Variants in RYR2 observed in about 807,000 individuals in gnomAD.
RYR2 encodes ryanodine receptor 2.
Under a neutral mutation model 601.1 loss-of-function variants are expected in RYR2, and 227 were observed. The ratio of observed to expected loss-of-function variants is 0.38; its 90% CI spans 0.34 to 0.42. RYR2 has a LOEUF of 0.42. Among genes scored for constraint, RYR2 ranks in the 10% least tolerant of loss-of-function variants. The probability of loss-of-function intolerance (pLI) is 1.00; values close to 1 mark genes in which losing one functional copy is unlikely to be tolerated. For synonymous variants in RYR2, 2,223 were observed against 2,175.1 expected (o/e 1.02, Z -0.61); for missense variants, 4,646 against 6,156.5 (o/e 0.75, Z 8.21).
intron 1 of RYR2, among the ~76,000 whole-genome samples, chr1:237,246,988 C>T (rs1291587344): frequency 2.0e-5 from 3 of 152,162 alleles, no homozygotes; most frequent in East Asian, 3.8e-4. Flanking sequence ...TTCTTGTGGT[C>T]CTACATATTA....
At chr1:237,163,101 T>C (rs998214896) in intron 1 of RYR2, among the ~76,000 whole-genome samples, 8 of 152,214 alleles carry the variant, frequency 5.3e-5, no homozygotes, top group African/African-American at 1.4e-4. Flanking sequence ...GTTCCTATTT[T>C]ATCTTTTAAT....
chr1:237,160,762 T>A (rs972424427), intron 1 of RYR2, among the ~76,000 whole-genome samples: 3 of 151,910 alleles, frequency 2.0e-5, no homozygotes, highest in Non-Finnish European at 4.4e-5. Context: ...AGATAGTTTT[T>A]AAAAAAAACC....
intron 91 of RYR2, among the ~76,000 whole-genome samples, chr1:237,787,601 A>C (rs958423023): frequency 4.7e-5 from 7 of 150,094 alleles, no homozygotes; most frequent in Non-Finnish European, 1.0e-4. Context: ...CAAAAACAAA[A>C]AAAAAAAAAA....
At chr1:237,662,358 C>T (rs1470775986) in intron 56 of RYR2, among the ~76,000 whole-genome samples, 1 of 151,726 alleles carries the variant, frequency 6.6e-6, no homozygotes, top group Non-Finnish European at 1.5e-5. Context: ...ACAAAGATAG[C>T]AAGACAATTC....
chr1:237,427,782 C>CA (rs57614793), intron 12 of RYR2, among the ~76,000 whole-genome samples: 1,222 of 56,220 alleles, frequency 0.022, 199 homozygotes, highest in African/African-American at 0.062. Context: ...GACTCTGCCT[C>CA]AAAAAAAAAA....
At chr1:237,434,043 G>A (rs1201052995) in intron 12 of RYR2, among the ~76,000 whole-genome samples, 2 of 152,180 alleles carry the variant, frequency 1.3e-5, no homozygotes, top group Non-Finnish European at 2.9e-5. Context: ...GGGTTTAGGA[G>A]TTTTGGTTTT....
intron 1 of RYR2, among the ~76,000 whole-genome samples, chr1:237,254,264 C>T (rs1299224151): frequency 1.3e-5 from 2 of 152,100 alleles, no homozygotes; most frequent in African/African-American, 2.4e-5. Flanking sequence ...AGAAAAAATA[C>T]ACTTGCTGAA....
chr1:237,081,286 A>AT (rs1665603939), intron 1 of RYR2, among the ~76,000 whole-genome samples: 2 of 146,650 alleles, frequency 1.4e-5, no homozygotes, highest in Non-Finnish European at 3.0e-5. Context: ...ATAATAAAAA[A>AT]AAAAAAAAAA....
rs790880 is a variant in RYR2, at chr1:237,806,442, A to T, written c.14298+159A>T. ...CTAAACTGCAGGGATTAGTAGTTTGAGGGTCTCCTAGGCCTATACTCAAGC... is the reference window on the plus strand; with the variant it reads ...CTAAACTGCAGGGATTAGTAGTTTGTGGGTCTCCTAGGCCTATACTCAAGC... On this transcript the variant is annotated intron_variant, in intron 99 of 104. Transcript: ENST00000366574. 0.18 allele frequency among the ~76,000 whole-genome samples: 27,263 copies of T among 152,168 alleles called. 3,076 individuals carry two copies. The highest frequency in any genetic ancestry group is 0.5 in the East Asian group (2,583 of 5,168).
At chr1:237,271,022 TA>T (rs1689635295) in intron 2 of RYR2, among the ~76,000 whole-genome samples, 1 of 152,204 alleles carries the variant, frequency 6.6e-6, no homozygotes, top group Admixed American at 6.5e-5. Flanking sequence ...GTCAAAACTC[TA>T]AATCCCAGTT....
At chr1:237,580,783 T>G (rs2148367860) in intron 29 of RYR2, among the ~76,000 whole-genome samples, 1 of 152,226 alleles carries the variant, frequency 6.6e-6, no homozygotes, top group South Asian at 2.1e-4. Flanking sequence ...GCTGGTGTCC[T>G]CATAAGAAGA....
At chr1:237,153,065 T>C (rs1287949717) in intron 1 of RYR2, among the ~76,000 whole-genome samples, 2 of 152,156 alleles carry the variant, frequency 1.3e-5, no homozygotes, top group East Asian at 3.9e-4. Context: ...CTGAATCAGA[T>C]TTGTGTTTTA....
At chr1:237,547,544 A>G (rs746027607) in intron 25 of RYR2, among the ~76,000 whole-genome samples, 1 of 152,178 alleles carries the variant, frequency 6.6e-6, no homozygotes, top group Non-Finnish European at 1.5e-5. Flanking sequence ...ACCTCAAGGT[A>G]TAGTCAATAA....
chr1:237,626,589 T>TC (rs1466213111), intron 40 of RYR2, among the ~76,000 whole-genome samples: 2 of 116,420 alleles, frequency 1.7e-5, no homozygotes, highest in Non-Finnish European at 3.4e-5. Flanking sequence ...TCTTTTTTTT[T>TC]TTTTTTTTTT....
chr1:237,611,111 A>G, intron 36 of RYR2, 123 bp downstream of exon 36: 1 of 755,310 alleles, frequency 1.3e-6, no homozygotes, highest in Non-Finnish European at 2.1e-6. Context: ...ATTTACAAAG[A>G]TCTAAATTCT....
At chr1:237,117,757 C>CTTCTCTTCTCTTCTT (rs1670299112) in intron 1 of RYR2, among the ~76,000 whole-genome samples, 1 of 141,436 alleles carries the variant, frequency 7.1e-6, no homozygotes, top group East Asian at 2.1e-4. Flanking sequence ...CTTCTCTTCT[C>CTTCTCTTCTCTTCTT]TGTTCTGAGA....
At chr1:237,492,223 G>T (rs1021766337) in intron 18 of RYR2, among the ~76,000 whole-genome samples, 2 of 152,094 alleles carry the variant, frequency 1.3e-5, no homozygotes, top group African/African-American at 4.8e-5. Flanking sequence ...GTAGAGACAG[G>T]GTTTTACCAT....
chr1:237,811,116 A>G (rs1661207306), intron 100 of RYR2, among the ~76,000 whole-genome samples: 1 of 147,414 alleles, frequency 6.8e-6, no homozygotes, highest in African/African-American at 2.7e-5. Flanking sequence ...AAAGCCTAAG[A>G]CAGTTTTTTC....
intron 29 of RYR2, among the ~76,000 whole-genome samples, chr1:237,574,557 T>C (rs1213710815): frequency 6.6e-6 from 1 of 152,192 alleles, no homozygotes; most frequent in Non-Finnish European, 1.5e-5. Flanking sequence ...CCCAACCAGA[T>C]GAGCCCTTAG....
Sources: allele counts gnomAD v4.1 joint callset (sites outside exome capture counted in the v4.1 genomes callset), GRCh38; gene constraint gnomAD v4.1.1; transcripts MANE v1.5; gene names NCBI Gene and HGNC (gene_info 2026-07-23, HGNC 2026-07-21).